DNAH8: variants seen among roughly 807,000 people sequenced by gnomAD.
DNAH8 encodes the protein dynein axonemal heavy chain 8.
A neutral mutation model predicts 562.1 loss-of-function variants in DNAH8; 382 were observed. The observed-to-expected ratio is 0.68, with a 90% CI of 0.63 to 0.74. The LOEUF (loss-of-function observed/expected upper bound fraction) is 0.74. Among genes scored for constraint, DNAH8 ranks in the 30% least tolerant of loss-of-function variants. DNAH8 has a pLI of 0.00. For synonymous variants in DNAH8, 1,881 were observed against 1,919.4 expected, an observed-to-expected ratio of 0.98 and a Z score of 0.52; for missense variants, 5,203 against 5,620.4, an observed-to-expected ratio of 0.93 and a Z score of 2.37.
Position 38,896,063 on chromosome 6 carries a change from T to C in DNAH8, c.8778T>C (p.Phe2926=). 1 of 1,613,826 alleles carries C rather than the reference T, an allele frequency of 6.2e-7. No individual in the cohort carries two copies. Among genetic ancestry groups the C allele is most frequent in the Non-Finnish European group, 8.5e-7 (1 of 1,179,852 alleles). ...RFITPEDEQW[F]NAHLTRAVEE... ...TAACTCCTGAAGATGAGCAGTGGTT[T>C]AATGCACATCTTACTCGTGCAGTTG... Residue 2926 remains phenylalanine (F), a synonymous_variant, in exon 60 of 93, where the codon TTT becomes TTC. Transcript: ENST00000327475.
At chr6:38,951,289 T>G (rs1561906445) in intron 81 of DNAH8, 29 bp from the exon 82 acceptor site, 1 of 1,597,696 alleles carries the variant, frequency 6.3e-7, no homozygotes, top group South Asian at 1.1e-5. Context: ...ACGTTTAGTT[T>G]ATTTCGCCTA....
chr6:38,778,499 G>A (rs1768277116), intron 14 of DNAH8, 35 bp downstream of exon 14: 4 of 1,219,922 alleles, frequency 3.3e-6, no homozygotes, highest in Admixed American at 2.1e-5. Context: ...TAGTTTCTGG[G>A]GGGAATAACT....
At chr6:39,004,271 T>G (rs1205272213) in intron 88 of DNAH8, among the ~76,000 whole-genome samples, 2 of 150,166 alleles carry the variant, frequency 1.3e-5, no homozygotes, top group Non-Finnish European at 2.9e-5. Context: ...CTTAGATAAC[T>G]TTAGCTACAG....
At chr6:38,935,014 A>G (rs1356561075) in intron 76 of DNAH8, among the ~76,000 whole-genome samples, 1 of 152,204 alleles carries the variant, frequency 6.6e-6, no homozygotes, top group East Asian at 1.9e-4. Flanking sequence ...ATTTTATGTA[A>G]GAAGAAAAAA....
At chr6:38,973,142 G>A (rs1201680323) in intron 83 of DNAH8, among the ~76,000 whole-genome samples, 1 of 152,132 alleles carries the variant, frequency 6.6e-6, no homozygotes, top group East Asian at 1.9e-4. Flanking sequence ...TAAGTTATGT[G>A]GTTTCAGGAA....
At chr6:38,980,547 A>G (rs576767449) in intron 85 of DNAH8, among the ~76,000 whole-genome samples, 131 of 152,270 alleles carry the variant, frequency 8.6e-4, no homozygotes, top group African/African-American at 3.0e-3. Context: ...TAAGCCCCAG[A>G]TAACAATTAC....
intron 79 of DNAH8, among the ~76,000 whole-genome samples, chr6:38,944,791 C>A (rs1783720446): frequency 6.6e-6 from 1 of 152,080 alleles, no homozygotes; most frequent in Non-Finnish European, 1.5e-5. Flanking sequence ...CTGGAGGGCG[C>A]TCAATAAATA....
At chr6:38,783,718 C>T (rs1312752329) in intron 17 of DNAH8, among the ~76,000 whole-genome samples, 1 of 152,166 alleles carries the variant, frequency 6.6e-6, no homozygotes, top group Non-Finnish European at 1.5e-5. Flanking sequence ...CATTATCCAG[C>T]CCTCCTGGAT....
At position 38,830,589 on chromosome 6, in the gene DNAH8, C is replaced by T. The variant is rs192826296; in HGVS notation, c.4189-1733C>T. Among the ~76,000 whole-genome samples the T allele has an allele frequency of 2.5e-3, 355 of 140,322 alleles. 3 individuals are homozygous for T. The highest frequency in any genetic ancestry group is 9.1e-3 in the Admixed American group (118 of 12,934). 92.1% of individuals were successfully genotyped at this position (140,322 alleles called of 152,430 possible). ...GGCGGAGTTTCCAGTGAGCCGAGAT[C>T]GCGCCACTGCACTCCAGCCTGGGCA... On this transcript the variant is annotated intron_variant, in intron 30 of 92. Transcript: ENST00000327475.
In DNAH8 at chr6:38,755,987, G is replaced by A; in HGVS notation, c.1423G>A (p.Gly475Arg). 1 of 1,603,410 alleles carries A rather than the reference G, an allele frequency of 6.2e-7. No individual in the cohort carries two copies. Among genetic ancestry groups the A allele is most frequent in the Non-Finnish European group, 8.5e-7 (1 of 1,171,074 alleles). Residue 475 changes from glycine to arginine, a missense_variant, in exon 10 of 93, where the codon GGA becomes AGA. Gly to Arg is a moderately radical substitution (Grantham distance 125). Around this residue, in one of 6 missense-constraint regions of DNAH8, gnomAD observed 2,176 missense variants for 2,365.1 expected, o/e 0.92. Coordinates refer to ENST00000327475, the MANE Select transcript of DNAH8 (RefSeq NM_001206927.2). ...YNHDLVSMAH[G>R]IQNLINAIRM... is the part of the protein sequence containing the mutation. ...TCAATGTTAGGTTTCCATGGCACAT[G>A]GAATACAAAATTTGATTAATGCCAT...
chr6:38,923,175 C>G lies in DNAH8; in HGVS notation c.10780C>G (p.Gln3594Glu), dbSNP rs754128211. Residue 3594 changes from glutamine (Q) to glutamate (E), a missense_variant, in exon 72 of 93, where the codon CAG (glutamine) becomes GAG (glutamate). This residue lies in a region of DNAH8 where 1,399 missense variants were observed against 1,518.4 expected (regional missense o/e 0.92). Coordinates refer to ENST00000327475, the MANE Select transcript of DNAH8 (RefSeq NM_001206927.2). The part of the protein sequence containing the change: ...WTQQSKEFKA[Q>E]INRLVGDILL... ...CCAGCAAAGTAAAGAATTCAAAGCT[C>G]AGATTAATAGGTGGGAATCTGGGTC... is the stretch of plus-strand genomic sequence containing the variant. 6.2e-7 allele frequency: 1 copy of G among 1,613,386 alleles called. No homozygotes were observed. Among genetic ancestry groups the G allele is most frequent in the Non-Finnish European group, 8.5e-7 (1 of 1,179,726 alleles).
At chr6:38,804,460 G>C (rs1157331001) in intron 22 of DNAH8, among the ~76,000 whole-genome samples, 1 of 152,198 alleles carries the variant, frequency 6.6e-6, no homozygotes, top group African/African-American at 2.4e-5. Context: ...GGATGTGCCT[G>C]TCAGTCACGA....
chr6:38,841,280 G>A (rs751762608), intron 33 of DNAH8, among the ~76,000 whole-genome samples: 9 of 152,160 alleles, frequency 5.9e-5, no homozygotes, highest in Admixed American at 2.6e-4. Context: ...TTAGCCGGGC[G>A]TGGTGGCATC....
At chr6:38,939,030 G>T (rs975039237) in intron 79 of DNAH8, 42 bp downstream of exon 79, 1 of 1,508,928 alleles carries the variant, frequency 6.6e-7, no homozygotes, top group Non-Finnish European at 9.1e-7. Flanking sequence ...GGAGGATGTT[G>T]CTTTTGATAT....
Position 38,929,676 on chromosome 6 carries a change from G to GAAAA in DNAH8, c.11274+10_11274+11insAAAA. 1.0e-6 allele frequency: 1 copy of GAAAA among 990,476 alleles called. No individual in the cohort carries two copies. Among genetic ancestry groups the GAAAA allele is most frequent in the Non-Finnish European group, 1.3e-6 (1 of 761,408 alleles). 61.4% of individuals were successfully genotyped at this position (990,476 alleles called of 1,614,324 possible). A position where few individuals can be genotyped will look rare whatever the true frequency, so the allele number is the denominator to read the frequency against. On this transcript the variant is annotated intron_variant, in intron 75 of 92. Transcript: ENST00000327475. Reference sequence around the variant, plus strand: ...TGGCACCACTTTCAAGGTGAGCTTTGTAAAAAAAAAAAAAAAGAAAGAAAG... The same window carrying GAAAA: ...TGGCACCACTTTCAAGGTGAGCTTTGAAAATAAAAAAAAAAAAAAAGAAAGAAAG...
chr6:38,998,556 G>T (rs1222088921), intron 88 of DNAH8, among the ~76,000 whole-genome samples: 1 of 152,128 alleles, frequency 6.6e-6, no homozygotes, highest in African/African-American at 2.4e-5. Context: ...ACACTTTTGA[G>T]ATTTAGATTT....
intron 88 of DNAH8, among the ~76,000 whole-genome samples, chr6:39,003,385 A>T (rs1214273857): frequency 2.0e-5 from 3 of 152,186 alleles, no homozygotes; most frequent in Non-Finnish European, 2.9e-5. Context: ...GCTTTGCCTT[A>T]TGGGGATTTA....
At chr6:38,741,361 C>T (rs1329636941) in intron 7 of DNAH8, among the ~76,000 whole-genome samples, 1 of 152,076 alleles carries the variant, frequency 6.6e-6, no homozygotes, top group Admixed American at 6.6e-5. Context: ...TGTGATTGTG[C>T]CACTGCACTC....
chr6:38,998,842 C>T (rs1011581049), intron 88 of DNAH8, among the ~76,000 whole-genome samples: 9 of 152,188 alleles, frequency 5.9e-5, no homozygotes, highest in African/African-American at 2.2e-4. Context: ...TATTATAGCT[C>T]TTGTTCTTCA....
Sources: gnomAD v4.1 joint callset for allele counts (sites outside exome capture counted in the v4.1 genomes callset) on GRCh38, gnomAD v4.1.1 for gene constraint, gnomAD v4.1.1 regional missense constraint, MANE v1.5 for transcripts, NCBI Gene and HGNC (gene_info 2026-07-23, HGNC 2026-07-21) for gene names.